Variants in CENPB observed in about 807,000 individuals in gnomAD.
The protein encoded by CENPB is centromere protein B.
In CENPB, 19 loss-of-function variants were observed where a neutral mutation model predicts 41.9. The observed-to-expected ratio is 0.45, with a 90% confidence interval of 0.32 to 0.67. The LOEUF (loss-of-function observed/expected upper bound fraction) is 0.67. CENPB is among the 30% of genes least tolerant of loss of function. The pLI is 0.04. For synonymous variants in CENPB, 399 were observed against 354.4 expected (o/e 1.13, Z -1.41); for missense variants, 614 against 816.2 (o/e 0.75, Z 3.02).
Position 3,785,456 on chromosome 20 carries a change from A to G in CENPB, c.1028T>C (p.Leu343Pro), listed in dbSNP as rs967110721. The G allele has an allele frequency of 6.3e-7, 1 of 1,590,074 alleles. No individual in the cohort carries two copies. The highest frequency in any genetic ancestry group is 1.8e-5 in the Admixed American group (1 of 56,634). Residue 343 changes from leucine (L) to proline (P), a missense_variant, in exon 1 of 1, where the codon CTC becomes CCC. Transcript: ENST00000379751. ...VKGHYRQAML[L>P]KAMAALEGQD... ...GCCCTCTAGCGCGGCCATGGCCTTGAGCAGCATGGCCTGGCGGTAGTGGCC... is the reference window on the plus strand; with the variant it reads ...GCCCTCTAGCGCGGCCATGGCCTTGGGCAGCATGGCCTGGCGGTAGTGGCC...
In CENPB at chr20:3,786,401, T is replaced by C; in HGVS notation, c.83A>G (p.Lys28Arg). 1 of 1,601,224 alleles carries C rather than the reference T, an allele frequency of 6.2e-7. No homozygotes were observed. The highest frequency in any genetic ancestry group is 8.5e-7 in the Non-Finnish European group (1 of 1,179,134). ...GTTGAAGCGCCGCGCGATCTCGCCC[T>C]TGCGCAGGTCCGGATTCTCCTCCAC... is the stretch of plus-strand genomic sequence containing the variant. ...QEVEENPDLR[K>R]GEIARRFNIP... The change falls in exon 1 of 1, where the codon AAG (lysine) becomes AGG (arginine). Residue 28 changes from lysine to arginine, a missense_variant. By Grantham distance (26) the Lys-to-Arg change is conservative. Coordinates refer to ENST00000379751, the MANE Select transcript of CENPB (RefSeq NM_001810.6).
Position 3,785,769 on chromosome 20 carries a change from GCTT to G in CENPB, c.712_714del (p.Lys238del). 1 of 1,609,262 alleles carries G rather than the reference GCTT, an allele frequency of 6.2e-7. No individual in the cohort carries two copies. The highest frequency in any genetic ancestry group is 8.5e-7 in the Non-Finnish European group (1 of 1,177,924). On this transcript the variant is annotated inframe_deletion, in exon 1 of 1. Transcript: ENST00000379751. ...GACTTGCCGGCCACCAGCGGGGGCA[GCTT>G]CTCGCTGCCGTCGGCATTGGCGCAT... is the stretch of plus-strand genomic sequence containing the variant.
chr20:3,785,667 C>T lies in CENPB; in HGVS notation c.817G>A (p.Ala273Thr). 6.2e-7 allele frequency: 1 copy of T among 1,608,736 alleles called. No homozygotes were observed. The highest frequency in any genetic ancestry group is 2.2e-5 in the East Asian group (1 of 44,716). ...AAGGCCTTCAAGTACTTGGCCAGGG[C>T]CTGGGTGGTGACACCACCCTTGGAG... Reference protein sequence around the residue: ...ANSKGGVTTQALAKYLKALDT... With the variant: ...ANSKGGVTTQTLAKYLKALDT... The change falls in exon 1 of 1, where the codon GCC (alanine) becomes ACC (threonine). Residue 273 changes from alanine to threonine, a missense_variant. Coordinates refer to ENST00000379751, the MANE Select transcript of CENPB (RefSeq NM_001810.6).
In CENPB at chr20:3,785,209, C is replaced by T; in HGVS notation, c.1275G>A (p.Glu425=). Residue 425 remains glutamate, a synonymous_variant, in exon 1 of 1, where the codon GAG becomes GAA. Coordinates refer to ENST00000379751, the MANE Select transcript of CENPB (RefSeq NM_001810.6). ...CCTCCTCCTCCTCCCCTTCCTCCTC[C>T]TCTTCCTCTCCTTCACCCTCTTCCT... ...EEEEEGEGEE[E]EEEGEEEEEE... The T allele has an allele frequency of 7.1e-7, 1 of 1,417,092 alleles. No homozygotes were observed. The highest frequency in any genetic ancestry group is 1.3e-5 in the South Asian group (1 of 79,424). 87.8% of individuals were successfully genotyped at this position (1,417,092 alleles called of 1,614,324 possible). A position where few individuals can be genotyped will look rare whatever the true frequency, so the allele number is the denominator to read the frequency against.
In CENPB at chr20:3,785,192, T is replaced by G. The variant is rs779792835; in HGVS notation, c.1292A>C (p.Glu431Ala). 1 of 838,108 alleles carries G rather than the reference T, an allele frequency of 1.2e-6. No individual in the cohort carries two copies. The highest frequency in any genetic ancestry group is 1.7e-6 in the Non-Finnish European group (1 of 587,352). 51.9% of individuals were successfully genotyped at this position (838,108 alleles called of 1,614,324 possible). The change falls in exon 1 of 1, where the codon GAG becomes GCG. Residue 431 changes from glutamate (E) to alanine (A), a missense_variant. Physicochemically the swap from Glu to Ala is moderately radical, Grantham distance 107. This residue lies in a region of CENPB where 537 missense variants were observed against 629.4 expected (regional missense o/e 0.85). Transcript: ENST00000379751. ...EGEEEEEEGE[E>A]EEEEGGEGEE... ...TCCTTCCCCCCCTTCCTCCTCCTCC[T>G]CCTCCCCTTCCTCCTCCTCTTCCTC...
Position 3,785,718 on chromosome 20 carries a change from C to G in CENPB, c.766G>C (p.Gly256Arg), listed in dbSNP as rs2088816711. ...TTGGCGGTGTAGTCGCAGGGCAGGCCGGCTTGGCCTGCGCGGGGCTTGGCC... is the reference window on the plus strand; with the variant it reads ...TTGGCGGTGTAGTCGCAGGGCAGGCGGGCTTGGCCTGCGCGGGGCTTGGCC... Reference protein sequence around the residue: ...KSAKPRAGQAGLPCDYTANSK... With the variant: ...KSAKPRAGQARLPCDYTANSK... The change falls in exon 1 of 1, where the codon GGC becomes CGC. Residue 256 changes from glycine to arginine, a missense_variant. Around this residue, in one of 2 missense-constraint regions of CENPB, gnomAD observed 537 missense variants for 629.4 expected, o/e 0.85. Transcript: ENST00000379751. 1 of 1,606,312 alleles carries G rather than the reference C, an allele frequency of 6.2e-7. No individual in the cohort carries two copies. Among genetic ancestry groups the G allele is most frequent in the South Asian group, 1.1e-5 (1 of 90,580 alleles).
chr20:3,786,512 GCGC>G lies in CENPB; in HGVS notation c.-32_-30del. On this transcript the variant is annotated 5_prime_UTR_variant, in exon 1 of 1. Coordinates refer to ENST00000379751, the MANE Select transcript of CENPB (RefSeq NM_001810.6). ...GGCGCGCCCCCCGCCCCGGGGCCCG[GCGC>G]CGCCGCCGCCGCCCCGGGGCGGGGG... 37 of 985,146 alleles carry G rather than the reference GCGC, an allele frequency of 3.8e-5. No homozygotes were observed. Among genetic ancestry groups the G allele is most frequent in the Admixed American group, 5.5e-5 (1 of 18,238 alleles). The allele number at this position is 985,146 out of a possible 1,614,324, so 61.0% of individuals were successfully genotyped here. A position where few individuals can be genotyped will look rare whatever the true frequency, so the allele number is the denominator to read the frequency against.
At position 3,784,676 on chromosome 20, in the gene CENPB, C is replaced by A. The variant is rs1441247192; in HGVS notation, c.*8G>T. ...ATCTAGGTTGGGGGCACAGCTAGGT[C>A]CAGTGACTCAGCTTTGATGTCCAAG... On this transcript the variant is annotated 3_prime_UTR_variant, in exon 1 of 1. Transcript: ENST00000379751. This position sits in a 1 kb window ranked among gnomAD's most constrained non-coding sequence, Gnocchi z 5.2. The A allele has an allele frequency of 6.2e-7, 1 of 1,613,386 alleles. No homozygotes were observed. The highest frequency in any genetic ancestry group is 1.7e-5 in the Admixed American group (1 of 59,954).
chr20:3,785,685 C>A lies in CENPB; in HGVS notation c.799G>T (p.Gly267Cys). The A allele has an allele frequency of 6.2e-7, 1 of 1,609,350 alleles. No individual in the cohort carries two copies. Among genetic ancestry groups the A allele is most frequent in the Non-Finnish European group, 8.5e-7 (1 of 1,177,968 alleles). The change falls in exon 1 of 1, where the codon GGT (glycine) becomes TGT (cysteine). Residue 267 changes from glycine to cysteine, a missense_variant. Gly to Cys is a radical substitution (Grantham distance 159). Around this residue, in one of 2 missense-constraint regions of CENPB, gnomAD observed 537 missense variants for 629.4 expected, o/e 0.85. Coordinates refer to ENST00000379751, the MANE Select transcript of CENPB (RefSeq NM_001810.6). ...LPCDYTANSK[G>C]GVTTQALAKY... ...GCCAGGGCCTGGGTGGTGACACCAC[C>A]CTTGGAGTTGGCGGTGTAGTCGCAG...
chr20:3,785,015 T>G lies in CENPB; in HGVS notation c.1469A>C (p.Tyr490Ser), dbSNP rs928661373. 5 of 1,613,894 alleles carry G rather than the reference T, an allele frequency of 3.1e-6. No homozygotes were observed. Among genetic ancestry groups the G allele is most frequent in the African/African-American group, 1.3e-5 (1 of 74,856 alleles). Reference sequence around the variant, plus strand: ...GCACTGGGCTTCCTCCTGGGCACCATAAGCCCCGAAGCTGCCACCGGCCTC... The same window carrying G: ...GCACTGGGCTTCCTCCTGGGCACCAGAAGCCCCGAAGCTGCCACCGGCCTC... ...VVEAGGSFGA[Y>S]GAQEEAQCPT... is the part of the protein sequence containing the mutation. The change falls in exon 1 of 1, where the codon TAT (tyrosine) becomes TCT (serine). Residue 490 changes from tyrosine (Y) to serine (S), a missense_variant. Coordinates refer to ENST00000379751, the MANE Select transcript of CENPB (RefSeq NM_001810.6).
In CENPB at chr20:3,786,512, G is replaced by GCGC. The variant is rs1200895743; in HGVS notation, c.-32_-30dup. 3.5e-5 allele frequency: 34 copies of GCGC among 985,504 alleles called. No homozygotes were observed. Among genetic ancestry groups the GCGC allele is most frequent in the South Asian group, 8.1e-5 (2 of 24,760 alleles). The allele number at this position is 985,504 out of a possible 1,614,324, so 61.0% of individuals were successfully genotyped here. On this transcript the variant is annotated 5_prime_UTR_variant, in exon 1 of 1. Coordinates refer to ENST00000379751, the MANE Select transcript of CENPB (RefSeq NM_001810.6). ...GGCGCGCCCCCCGCCCCGGGGCCCG[G>GCGC]CGCCGCCGCCGCCGCCCCGGGGCGG...
In CENPB at chr20:3,784,089, C is replaced by G. The variant is rs1231142578; in HGVS notation, c.*595G>C. 1 of 153,328 alleles carries G rather than the reference C, an allele frequency of 6.5e-6. No individual in the cohort carries two copies. Among genetic ancestry groups the G allele is most frequent in the African/African-American group, 2.4e-5 (1 of 41,338 alleles). The allele number at this position is 153,328 out of a possible 1,614,324, so 9.5% of individuals were successfully genotyped here. ...GAAACCTCCAATCTGGAAAGAAAAC[C>G]AAGGGCCAAAGTCACATGGACAGGG... is the stretch of plus-strand genomic sequence containing the variant. On this transcript the variant is annotated 3_prime_UTR_variant, in exon 1 of 1. Coordinates refer to ENST00000379751, the MANE Select transcript of CENPB (RefSeq NM_001810.6). This position sits in a 1 kb window ranked among gnomAD's most constrained non-coding sequence, Gnocchi z 5.2.
At position 3,785,097 on chromosome 20, in the gene CENPB, C is replaced by T. The variant is rs780699266; in HGVS notation, c.1387G>A (p.Asp463Asn). 1.2e-6 allele frequency: 2 copies of T among 1,610,830 alleles called. No homozygotes were observed. The highest frequency in any genetic ancestry group is 1.1e-5 in the South Asian group (1 of 90,536). ...DVDSDEEEEEDEESSSEGLEA... is the reference protein window; with the variant it reads ...DVDSDEEEEENEESSSEGLEA... ...AAGCCCTCCGAGGAGCTCTCCTCAT[C>T]TTCCTCCTCTTCTTCATCACTATCA... Residue 463 changes from aspartate to asparagine, a missense_variant, in exon 1 of 1, where the codon GAT (aspartate) becomes AAT (asparagine). By Grantham distance (23) the Asp-to-Asn change is conservative (BLOSUM62 1). This residue lies in a region of CENPB where 537 missense variants were observed against 629.4 expected (regional missense o/e 0.85). Coordinates refer to ENST00000379751, the MANE Select transcript of CENPB (RefSeq NM_001810.6).
Position 3,784,706 on chromosome 20 carries a change from C to A in CENPB, c.1778G>T (p.Arg593Leu). 6.2e-7 allele frequency: 1 copy of A among 1,614,052 alleles called. No individual in the cohort carries two copies. The highest frequency in any genetic ancestry group is 8.5e-7 in the Non-Finnish European group (1 of 1,179,978). Reference sequence around the variant, plus strand: ...GACTCAGCTTTGATGTCCAAGACCTCGAACTCCCGCCTGCCTGGCGTGGTT... The same window carrying A: ...GACTCAGCTTTGATGTCCAAGACCTAGAACTCCCGCCTGCCTGGCGTGGTT... ...RKNHARQAGV[R>L]GLGHQS The change falls in exon 1 of 1, where the codon CGA becomes CTA. Residue 593 changes from arginine to leucine, a missense_variant. Around this residue, in one of 2 missense-constraint regions of CENPB, gnomAD observed 537 missense variants for 629.4 expected, o/e 0.85. Coordinates refer to ENST00000379751, the MANE Select transcript of CENPB (RefSeq NM_001810.6). The surrounding 1 kb of genome is among the most constrained non-coding windows in gnomAD (Gnocchi z 5.2).
rs1391687092 is a variant in CENPB, at chr20:3,786,217, G to C, written c.267C>G (p.Arg89=). 2 of 1,602,284 alleles carry C rather than the reference G, an allele frequency of 1.2e-6. No homozygotes were observed. The highest frequency in any genetic ancestry group is 1.7e-5 in the Admixed American group (1 of 59,958). The part of the protein sequence containing the change: ...GLLIAWFQQI[R]AAGLPVKGII... Reference sequence around the variant, plus strand: ...TGCCCTTGACCGGCAGGCCGGCGGCGCGGATCTGCTGGAACCAGGCGATGA... The same window carrying C: ...TGCCCTTGACCGGCAGGCCGGCGGCCCGGATCTGCTGGAACCAGGCGATGA... The change falls in exon 1 of 1, where the codon CGC becomes CGG. Residue 89 remains arginine (R), a synonymous_variant. Transcript: ENST00000379751.
At position 3,785,886 on chromosome 20, in the gene CENPB, A is replaced by G; in HGVS notation, c.598T>C (p.Trp200Arg). 6.2e-7 allele frequency: 1 copy of G among 1,608,194 alleles called. No homozygotes were observed. The highest frequency in any genetic ancestry group is 8.5e-7 in the Non-Finnish European group (1 of 1,178,582). The change falls in exon 1 of 1, where the codon TGG becomes CGG. Residue 200 changes from tryptophan to arginine, a missense_variant. Physicochemically the swap from Trp to Arg is moderately radical, Grantham distance 101. Transcript: ENST00000379751. ...GCCTGGTCGGGCAGGAAGTCGTACC[A>G]TAGACTGGTCTCGGTGGCGCTGAAC... ...DVFSATETSL[W>R]YDFLPDQAAG...
rs777894487 is a variant in CENPB at position 3,785,725 on chromosome 20, G to A, written c.759C>T (p.Gly253=). The change falls in exon 1 of 1, where the codon GGC becomes GGT. Residue 253 remains glycine (G), a synonymous_variant. Coordinates refer to ENST00000379751, the MANE Select transcript of CENPB (RefSeq NM_001810.6). The part of the protein sequence containing the change: ...VAGKSAKPRA[G]QAGLPCDYTA... Reference sequence around the variant, plus strand: ...TGTAGTCGCAGGGCAGGCCGGCTTGGCCTGCGCGGGGCTTGGCCGACTTGC... The same window carrying A: ...TGTAGTCGCAGGGCAGGCCGGCTTGACCTGCGCGGGGCTTGGCCGACTTGC... The A allele has an allele frequency of 6.2e-7, 1 of 1,607,442 alleles. No individual in the cohort carries two copies. The highest frequency in any genetic ancestry group is 8.5e-7 in the Non-Finnish European group (1 of 1,177,158).
At position 3,785,764 on chromosome 20, in the gene CENPB, G is replaced by A. The variant is rs762412635; in HGVS notation, c.720C>T (p.Pro240=). The A allele has an allele frequency of 1.2e-6, 2 of 1,609,264 alleles. No individual in the cohort carries two copies. Among genetic ancestry groups the A allele is most frequent in the South Asian group, 1.1e-5 (1 of 90,846 alleles). ...TGGCCGACTTGCCGGCCACCAGCGG[G>A]GGCAGCTTCTCGCTGCCGTCGGCAT... ...CANADGSEKL[P]PLVAGKSAKP... Residue 240 remains proline (P), a synonymous_variant, in exon 1 of 1, where the codon CCC becomes CCT. Transcript: ENST00000379751.
Position 3,786,150 on chromosome 20 carries a change from C to G in CENPB, c.334G>C (p.Gly112Arg). The change falls in exon 1 of 1, where the codon GGC becomes CGC. Residue 112 changes from glycine (G) to arginine (R), a missense_variant. This residue lies in a region of CENPB where 77 missense variants were observed against 186.8 expected (regional missense o/e 0.41). Transcript: ENST00000379751. ...EKALRIAEEL[G>R]MDDFTASNGW... is the part of the protein sequence containing the mutation. ...TTGGAGGCGGTGAAGTCGTCCATGC[C>G]CAGCTCCTCGGCTATGCGCAGCGCC... 6.3e-7 allele frequency: 1 copy of G among 1,598,618 alleles called. No homozygotes were observed. Among genetic ancestry groups the G allele is most frequent in the Non-Finnish European group, 8.5e-7 (1 of 1,179,372 alleles).
Sources: gnomAD v4.1 joint callset for allele counts on GRCh38, gnomAD v4.1.1 for gene constraint, gnomAD v4.1.1 regional missense constraint, Gnocchi (gnomAD v3.1) non-coding constraint, MANE v1.5 for transcripts, NCBI Gene and HGNC (gene_info 2026-07-23, HGNC 2026-07-21) for gene names.